The following CCDC180 variants were observed in gnomAD, a reference collection of about 807,000 sequenced individuals.
CCDC180 encodes the protein coiled-coil domain containing 180, also known as coiled-coil domain-containing protein 180.
In CCDC180, 154 loss-of-function variants were observed where a neutral mutation model predicts 209.2. The observed-to-expected ratio is 0.74, with a 90% CI of 0.65 to 0.84. The LOEUF is 0.84. Among genes scored for constraint, CCDC180 ranks in the 40% least tolerant of loss-of-function variants. CCDC180 has a pLI of 0.00. For synonymous variants in CCDC180, 778 were observed against 749.1 expected (o/e 1.04, Z -0.63); for missense variants, 1,874 against 1,997.3 (o/e 0.94, Z 1.18).
intron 27 of CCDC180, 48 bp from the exon 28 acceptor site, chr9:97,362,148 C>A: frequency 1.3e-6 from 2 of 1,579,886 alleles, no homozygotes; most frequent in Non-Finnish European, 1.7e-6. Flanking sequence ...GCCTGAGCTA[C>A]CCCCATGGTC....
chr9:97,324,067 C>T (rs1833446081), intron 13 of CCDC180, 164 bp downstream of exon 13: 1 of 741,788 alleles, frequency 1.3e-6, no homozygotes, highest in Non-Finnish European at 2.1e-6. Context: ...CTGGCCACTC[C>T]AAGCTCACTC....
intron 29 of CCDC180, chr9:97,365,209 A>T (rs980541941): frequency 6.4e-6 from 1 of 155,410 alleles, no homozygotes; most frequent in African/African-American, 2.4e-5. Context: ...ATGACCATTC[A>T]TTCTGAGTTA....
At chr9:97,310,253 T>G (rs1250052094) in intron 3 of CCDC180, among the ~76,000 whole-genome samples, 1 of 152,166 alleles carries the variant, frequency 6.6e-6, no homozygotes, top group Non-Finnish European at 1.5e-5. Context: ...TGTTGGTGGC[T>G]GTGAGAGGGA....
intron 31 of CCDC180, among the ~76,000 whole-genome samples, chr9:97,367,326 A>T (rs369673086): frequency 6.6e-6 from 1 of 152,098 alleles, no homozygotes; most frequent in African/African-American, 2.4e-5. Flanking sequence ...GATGTGGTCT[A>T]CTATGCTGTT....
chr9:97,317,273 C>A, intron 9 of CCDC180, 45 bp downstream of exon 9: 1 of 1,473,614 alleles, frequency 6.8e-7, no homozygotes, highest in Non-Finnish European at 9.1e-7. Context: ...ACCAGGGGGG[C>A]TGGCAAAGGG....
chr9:97,354,488 G>C (rs1484559880), intron 22 of CCDC180, 81 bp from the exon 23 acceptor site: 1 of 1,404,058 alleles, frequency 7.1e-7, no homozygotes, highest in Admixed American at 1.8e-5. Context: ...GATTAAAAGT[G>C]TGTGTCAGCC....
intron 22 of CCDC180, among the ~76,000 whole-genome samples, chr9:97,350,822 A>G (rs1344245351): frequency 2.0e-5 from 3 of 152,052 alleles, no homozygotes; most frequent in East Asian, 1.9e-4. Context: ...CTCCTTCCCC[A>G]TGGCCCCTGG....
chr9:97,351,813 T>C (rs920500093), intron 22 of CCDC180, among the ~76,000 whole-genome samples: 1 of 152,058 alleles, frequency 6.6e-6, no homozygotes, highest in African/African-American at 2.4e-5. Flanking sequence ...GTTTCAACAA[T>C]TTGAGCCAAT....
chr9:97,347,371 C>T lies in CCDC180; in HGVS notation c.2556C>T (p.Asn852=). 2 of 1,536,142 alleles carry T rather than the reference C, an allele frequency of 1.3e-6. No individual in the cohort carries two copies. The highest frequency in any genetic ancestry group is 8.7e-7 in the Non-Finnish European group (1 of 1,146,908). Residue 852 remains asparagine (N), a synonymous_variant, in exon 20 of 37, where the codon AAC becomes AAT. Coordinates refer to ENST00000529487, the MANE Select transcript of CCDC180 (RefSeq NM_020893.6). ...LEKWFDQCSL[N]TRVTVATKIN... ...AGTGGTTTGACCAGTGTTCCCTCAACACCCGGGTCACCGTGGCCACCAAAA... is the reference window on the plus strand; with the variant it reads ...AGTGGTTTGACCAGTGTTCCCTCAATACCCGGGTCACCGTGGCCACCAAAA...
intron 26 of CCDC180, 29 bp from the exon 27 acceptor site, chr9:97,361,697 A>C (rs1587829461): frequency 1.2e-6 from 2 of 1,610,386 alleles, no homozygotes; most frequent in East Asian, 4.5e-5. Context: ...TGGTCCTTAC[A>C]CCCTCAGGCC....
At chr9:97,327,916 C>A in intron 15 of CCDC180, 104 bp from the exon 16 acceptor site, 2 of 1,244,622 alleles carry the variant, frequency 1.6e-6, no homozygotes, top group Non-Finnish European at 2.2e-6. Flanking sequence ...AGCAGCCACA[C>A]AGCAGCTCTA....
At position 97,343,371 on chromosome 9, in the gene CCDC180, T is replaced by C; in HGVS notation, c.2306T>C (p.Ile769Thr). The C allele has an allele frequency of 1.2e-6, 2 of 1,613,056 alleles. No homozygotes were observed. The highest frequency in any genetic ancestry group is 8.5e-7 in the Non-Finnish European group (1 of 1,179,060). The change falls in exon 19 of 37, where the codon ATA (isoleucine) becomes ACA (threonine). Residue 769 changes from isoleucine to threonine, a missense_variant. By Grantham distance (89) the Ile-to-Thr change is moderately conservative. Coordinates refer to ENST00000529487, the MANE Select transcript of CCDC180 (RefSeq NM_020893.6). The part of the protein sequence containing the change: ...EEDKEEGLEE[I>T]YYEDMESFTI... Reference sequence around the variant, plus strand: ...GACAAGGAAGAGGGTCTAGAGGAGATATACTATGAGGACATGGAGTCCTTC... The same window carrying C: ...GACAAGGAAGAGGGTCTAGAGGAGACATACTATGAGGACATGGAGTCCTTC...
chr9:97,343,586 C>T, intron 19 of CCDC180, 23 bp downstream of exon 19: 1 of 1,492,332 alleles, frequency 6.7e-7, no homozygotes, highest in Non-Finnish European at 9.3e-7. Flanking sequence ...CTATTTTATT[C>T]TCATCCTGTT....
At chr9:97,347,252 G>A in intron 19 of CCDC180, 62 bp from the exon 20 acceptor site, 1 of 1,494,574 alleles carries the variant, frequency 6.7e-7, no homozygotes, top group East Asian at 2.5e-5. Flanking sequence ...GTCTCCATAT[G>A]GAAAGACCTC....
chr9:97,328,239 A>G (rs1833601294), intron 16 of CCDC180, 93 bp downstream of exon 16: 1 of 1,403,142 alleles, frequency 7.1e-7, no homozygotes, highest in African/African-American at 1.4e-5. Flanking sequence ...TTTGAAAGCC[A>G]TTCCTAATGC....
At chr9:97,355,067 C>CCGGGGACAG in intron 24 of CCDC180, 59 bp downstream of exon 24, 1 of 1,139,038 alleles carries the variant, frequency 8.8e-7, no homozygotes, top group Non-Finnish European at 1.3e-6. Flanking sequence ...ACACCAGGCA[C>CCGGGGACAG]TGTCCCCGGT....
Position 97,349,203 on chromosome 9 carries a change from CAAG to C in CCDC180, c.2772_2774del (p.Glu925del). ...GAAGCGGCTGATGTTCTGCCAGTTC[CAAG>C]AAGAGCAAAACGTGAGGAGCAAAAA... is the stretch of plus-strand genomic sequence containing the variant. On this transcript the variant is annotated inframe_deletion, in exon 21 of 37. Transcript: ENST00000529487. 1 of 1,536,508 alleles carries C rather than the reference CAAG, an allele frequency of 6.5e-7. No homozygotes were observed. The highest frequency in any genetic ancestry group is 2.0e-5 in the Admixed American group (1 of 51,000).
Position 97,355,023 on chromosome 9 carries a change from T to C in CCDC180, c.3264+15T>C, listed in dbSNP as rs765432221. 49 of 1,539,112 alleles carry C rather than the reference T, an allele frequency of 3.2e-5. No homozygotes were observed. Among genetic ancestry groups the C allele is most frequent in the Non-Finnish European group, 9.0e-7 (1 of 1,112,200 alleles). The stretch of plus-strand genomic sequence containing the variant: ...TCAAGTGCCAGGTAGGATAGATTCA[T>C]TCTTCATCAAGGATCTTTATCACAC... On this transcript the variant is annotated intron_variant, in intron 24 of 36. Coordinates refer to ENST00000529487, the MANE Select transcript of CCDC180 (RefSeq NM_020893.6).
rs1007114399 is a variant in CCDC180, at chr9:97,315,057, C to G, written c.795+111C>G. Reference sequence around the variant, plus strand: ...GTCTCAGGAATGGTGGGCTTCTCATCTATAACGTTTCTAAGGGGCTCAGGT... The same window carrying G: ...GTCTCAGGAATGGTGGGCTTCTCATGTATAACGTTTCTAAGGGGCTCAGGT... On this transcript the variant is annotated intron_variant, in intron 8 of 36. Transcript: ENST00000529487. The G allele has an allele frequency of 1.3e-5, 10 of 766,214 alleles. No individual in the cohort carries two copies. In the African/African-American group the frequency reaches 1.8e-4, roughly 14 times the overall value. 47.5% of individuals were successfully genotyped at this position (766,214 alleles called of 1,614,324 possible). A position where few individuals can be genotyped will look rare whatever the true frequency, so the allele number is the denominator to read the frequency against.
Sources: gnomAD v4.1 joint callset for allele counts (sites outside exome capture counted in the v4.1 genomes callset) on GRCh38, gnomAD v4.1.1 for gene constraint, MANE v1.5 for transcripts, NCBI Gene and HGNC (gene_info 2026-07-23, HGNC 2026-07-21) for gene names.